The following LTBP1 variants were observed in gnomAD, a reference collection of about 807,000 sequenced individuals.
The protein encoded by LTBP1 is latent-transforming growth factor beta-binding protein 1.
Under a neutral mutation model 207.6 loss-of-function variants are expected in LTBP1, and 129 were observed. The ratio of observed to expected loss-of-function variants is 0.62; its 90% CI spans 0.54 to 0.72. The LOEUF is 0.72. Among genes scored for constraint, LTBP1 ranks in the 30% least tolerant of loss-of-function variants. The pLI, the probability that LTBP1 is intolerant of heterozygous loss-of-function variation, is 0.00. For missense variants in LTBP1, 2,281 were observed against 2,217.2 expected (o/e 1.03, Z -0.58); for synonymous variants, 963 against 833.7 (o/e 1.16, Z -2.67).
intron 2 of LTBP1, among the ~76,000 whole-genome samples, chr2:33,020,059 G>A (rs1047125945): frequency 6.6e-6 from 1 of 152,070 alleles, no homozygotes; most frequent in Non-Finnish European, 1.5e-5. Flanking sequence ...GTGATTCAGA[G>A]TACATACATC....
intron 3 of LTBP1, among the ~76,000 whole-genome samples, chr2:33,109,190 A>G (rs529671160): frequency 8.7e-4 from 132 of 152,374 alleles, no homozygotes; most frequent in Non-Finnish European, 4.1e-4. Flanking sequence ...TGAATCTGAT[A>G]GAGTGAGACT....
chr2:32,993,370 A>C (rs1266715661), intron 2 of LTBP1, among the ~76,000 whole-genome samples: 2 of 152,090 alleles, frequency 1.3e-5, no homozygotes, highest in South Asian at 4.2e-4. Context: ...TCTCAGGAAA[A>C]AACGGAAAAC....
intron 8 of LTBP1, among the ~76,000 whole-genome samples, chr2:33,218,830 T>A (rs947525850): frequency 2.0e-5 from 3 of 152,258 alleles, no homozygotes; most frequent in African/African-American, 7.2e-5. Context: ...CTGAAGTTTT[T>A]ATAATTTTTT....
chr2:33,346,771 C>T (rs562721445), intron 25 of LTBP1, among the ~76,000 whole-genome samples: 1 of 151,952 alleles, frequency 6.6e-6, no homozygotes, highest in South Asian at 2.1e-4. Flanking sequence ...ACTAGATGGT[C>T]AGTGGGCACA....
chr2:33,259,629 G>T lies in LTBP1; in HGVS notation c.2418+19G>T. On this transcript the variant is annotated intron_variant, in intron 13 of 33. Coordinates refer to ENST00000404816, the MANE Select transcript of LTBP1 (RefSeq NM_206943.4). ...TGAAAAGGTAATTTATTCATTGCTTGCAAGTCTTTTTTTTTCAACGCTCAA... is the reference window on the plus strand; with the variant it reads ...TGAAAAGGTAATTTATTCATTGCTTTCAAGTCTTTTTTTTTCAACGCTCAA... 1.3e-6 allele frequency: 2 copies of T among 1,591,572 alleles called. No homozygotes were observed.
At chr2:33,337,863 G>C (rs2094570899) in intron 24 of LTBP1, among the ~76,000 whole-genome samples, 1 of 152,138 alleles carries the variant, frequency 6.6e-6, no homozygotes, top group Non-Finnish European at 1.5e-5. Flanking sequence ...GTCTTGCTGG[G>C]ACTTCTACTC....
At chr2:33,012,459 A>T (rs896441329) in intron 2 of LTBP1, among the ~76,000 whole-genome samples, 4 of 152,222 alleles carry the variant, frequency 2.6e-5, no homozygotes, top group South Asian at 2.1e-4. Context: ...TGTATCCTTT[A>T]TGGTCCCTTG....
chr2:33,233,289 T>C (rs185147179), intron 9 of LTBP1, among the ~76,000 whole-genome samples: 10 of 152,310 alleles, frequency 6.6e-5, no homozygotes, highest in Admixed American at 2.6e-4. Flanking sequence ...ATTTCTGCTT[T>C]ACTATGCCCA....
intron 3 of LTBP1, among the ~76,000 whole-genome samples, chr2:33,025,463 A>T (rs540904454): frequency 2.0e-4 from 30 of 152,324 alleles, no homozygotes; most frequent in African/African-American, 7.0e-4. Context: ...TAATGGAAGG[A>T]CGCCTCGTAG....
intron 31 of LTBP1, among the ~76,000 whole-genome samples, chr2:33,387,534 G>A (rs2150534241): frequency 6.6e-6 from 1 of 152,298 alleles, no homozygotes; most frequent in East Asian, 1.9e-4. Flanking sequence ...TTTTAGACAG[G>A]GGCAGCCAGA....
chr2:33,072,385 G>A (rs959399658), intron 3 of LTBP1, among the ~76,000 whole-genome samples: 4 of 152,132 alleles, frequency 2.6e-5, no homozygotes, highest in African/African-American at 9.7e-5. Context: ...ATTGAAGCAT[G>A]GAGTGGGGAA....
At chr2:33,329,215 G>T (rs1242237971) in intron 24 of LTBP1, among the ~76,000 whole-genome samples, 1 of 152,042 alleles carries the variant, frequency 6.6e-6, no homozygotes, top group Admixed American at 6.6e-5. Flanking sequence ...ACTGAGTAAA[G>T]GTATCTCATT....
At position 33,392,979 on chromosome 2, in the gene LTBP1, A is replaced by G. The variant is rs1574145787; in HGVS notation, c.4834+3673A>G. ...TGCCTCAGCCTCCTGAGTAGCTGGGACTCTTGTTCTCCTTTAAAGTTTTAA... is the reference window on the plus strand; with the variant it reads ...TGCCTCAGCCTCCTGAGTAGCTGGGGCTCTTGTTCTCCTTTAAAGTTTTAA... On this transcript the variant is annotated intron_variant, in intron 32 of 33. Coordinates refer to ENST00000404816, the MANE Select transcript of LTBP1 (RefSeq NM_206943.4). 3.3e-5 allele frequency among the ~76,000 whole-genome samples: 5 copies of G among 150,164 alleles called. No individual in the cohort carries two copies. In the South Asian group the frequency reaches 1.1e-3, roughly 32 times the overall value.
At chr2:32,957,131 A>C (rs762165864) in intron 2 of LTBP1, among the ~76,000 whole-genome samples, 1 of 152,200 alleles carries the variant, frequency 6.6e-6, no homozygotes, top group Non-Finnish European at 1.5e-5. Context: ...TTGGTAAATT[A>C]GCTTTGGCTT....
chr2:32,988,691 C>T (rs1181324939), intron 2 of LTBP1, among the ~76,000 whole-genome samples: 4 of 152,176 alleles, frequency 2.6e-5, no homozygotes, highest in East Asian at 3.8e-4. Flanking sequence ...GAAGTGTGAA[C>T]GCCCTTCAGG....
At chr2:33,049,668 T>C (rs922378178) in intron 3 of LTBP1, among the ~76,000 whole-genome samples, 3 of 152,228 alleles carry the variant, frequency 2.0e-5, no homozygotes, top group Admixed American at 2.0e-4. Context: ...TTTCTATTTT[T>C]GAGTATGTTT....
chr2:33,207,636 T>TA (rs1339400434), intron 7 of LTBP1, among the ~76,000 whole-genome samples: 1 of 152,244 alleles, frequency 6.6e-6, no homozygotes, highest in African/African-American at 2.4e-5. Flanking sequence ...CAATGCCTGT[T>TA]ACCCAGCCAG....
At chr2:33,281,142 G>A (rs1268610176) in intron 19 of LTBP1, among the ~76,000 whole-genome samples, 1 of 152,146 alleles carries the variant, frequency 6.6e-6, no homozygotes, top group African/African-American at 2.4e-5. Context: ...ATATTGAGAG[G>A]AAAAACTGAT....
chr2:33,020,127 C>T (rs893759863), intron 2 of LTBP1, among the ~76,000 whole-genome samples: 11 of 152,068 alleles, frequency 7.2e-5, no homozygotes, highest in South Asian at 2.1e-4. Context: ...TTATTAAATT[C>T]GGAATGGTGC....
Sources: gnomAD v4.1 joint callset for allele counts (sites outside exome capture counted in the v4.1 genomes callset) on GRCh38, gnomAD v4.1.1 for gene constraint, MANE v1.5 for transcripts, NCBI Gene and HGNC (gene_info 2026-07-23, HGNC 2026-07-21) for gene names.